CNTNAP5: variants seen among roughly 807,000 people sequenced by gnomAD.
CNTNAP5 encodes the protein contactin-associated protein-like 5.
A neutral mutation model predicts 150.2 loss-of-function variants in CNTNAP5; 72 were observed. The ratio of observed to expected loss-of-function variants is 0.48; its 90% CI spans 0.40 to 0.58. The LOEUF (loss-of-function observed/expected upper bound fraction) is 0.58. Among genes scored for constraint, CNTNAP5 ranks in the 20% least tolerant of loss-of-function variants. CNTNAP5 has a pLI of 0.00. For synonymous variants in CNTNAP5, 672 were observed against 619.8 expected (o/e 1.08, Z -1.25); for missense variants, 1,636 against 1,626.2 (o/e 1.01, Z -0.10).
At chr2:124,074,925 C>T (rs569484831) in intron 1 of CNTNAP5, among the ~76,000 whole-genome samples, 14 of 152,208 alleles carry the variant, frequency 9.2e-5, no homozygotes, top group South Asian at 6.2e-4. Context: ...TTCCATTTTA[C>T]GTAGTTTGAT....
chr2:124,662,661 T>G (rs183571630), intron 13 of CNTNAP5, among the ~76,000 whole-genome samples: 1 of 152,124 alleles, frequency 6.6e-6, no homozygotes, highest in East Asian at 1.9e-4. Context: ...CACAGACACA[T>G]GTCAAGAGAG....
At chr2:124,245,686 AATAT>A (rs1220477219) in intron 3 of CNTNAP5, among the ~76,000 whole-genome samples, 1 of 149,996 alleles carries the variant, frequency 6.7e-6, no homozygotes, top group African/African-American at 2.5e-5. Flanking sequence ...TATACACACA[AATAT>A]ATATATACAC....
intron 3 of CNTNAP5, among the ~76,000 whole-genome samples, chr2:124,307,798 T>A (rs1290730328): frequency 6.6e-6 from 1 of 152,158 alleles, no homozygotes; most frequent in Non-Finnish European, 1.5e-5. Context: ...ATTATGTAGT[T>A]GTTGATACTC....
intron 6 of CNTNAP5, among the ~76,000 whole-genome samples, chr2:124,458,659 A>G (rs866803660): frequency 1.3e-5 from 2 of 152,230 alleles, no homozygotes; most frequent in South Asian, 4.1e-4. Flanking sequence ...GTTCCCCAAT[A>G]ACCTATGGAA....
intron 3 of CNTNAP5, among the ~76,000 whole-genome samples, chr2:124,367,682 T>A (rs1175070354): frequency 3.9e-5 from 6 of 152,168 alleles, no homozygotes; most frequent in Admixed American, 3.3e-4. Flanking sequence ...CATAAATTAA[T>A]CTTTGAGGGC....
intron 10 of CNTNAP5, among the ~76,000 whole-genome samples, chr2:124,551,727 G>A (rs1385829940): frequency 6.6e-6 from 1 of 152,194 alleles, no homozygotes; most frequent in Non-Finnish European, 1.5e-5. Context: ...TTCATGTATA[G>A]AGAATCATTT....
intron 19 of CNTNAP5, among the ~76,000 whole-genome samples, chr2:124,858,290 G>T (rs1011212837): frequency 2.6e-5 from 4 of 152,154 alleles, no homozygotes; most frequent in African/African-American, 4.8e-5. Context: ...TGGCATGACT[G>T]TATATCTAAA....
intron 8 of CNTNAP5, among the ~76,000 whole-genome samples, chr2:124,514,781 G>A (rs1694668082): frequency 1.3e-5 from 2 of 152,166 alleles, no homozygotes; most frequent in Non-Finnish European, 1.5e-5. Flanking sequence ...GCTCTAATAA[G>A]AGAAGAGAAA....
chr2:124,337,954 G>C (rs1364595200), intron 3 of CNTNAP5, among the ~76,000 whole-genome samples: 1 of 152,146 alleles, frequency 6.6e-6, no homozygotes, highest in Non-Finnish European at 1.5e-5. Context: ...AATTACCTTG[G>C]GCAGTGTGGC....
intron 3 of CNTNAP5, among the ~76,000 whole-genome samples, chr2:124,366,498 G>T (rs550789040): frequency 9.2e-5 from 14 of 152,212 alleles, no homozygotes; most frequent in Admixed American, 9.2e-4. Context: ...AGAAAGAATG[G>T]CATTCCAAGT....
chr2:124,672,696 C>T (rs759084797), intron 13 of CNTNAP5, among the ~76,000 whole-genome samples: 20 of 152,180 alleles, frequency 1.3e-4, no homozygotes, highest in Non-Finnish European at 2.1e-4. Context: ...AGGGAACACA[C>T]GGAAAATTTC....
intron 3 of CNTNAP5, among the ~76,000 whole-genome samples, chr2:124,375,762 TTG>T (rs1002057931): frequency 5.3e-5 from 8 of 152,214 alleles, no homozygotes; most frequent in South Asian, 2.1e-4. Flanking sequence ...TGCAGTATTT[TTG>T]TGTGTCTAAA....
In CNTNAP5 at chr2:124,914,978, C is replaced by G. The variant is rs1573709965; in HGVS notation, c.*690C>G. The G allele has an allele frequency of 2.0e-5, 3 of 152,382 alleles. No homozygotes were observed. Among genetic ancestry groups the G allele is most frequent in the Admixed American group, 2.0e-4 (3 of 15,246 alleles). The allele number at this position is 152,382 out of a possible 1,614,324, so 9.4% of individuals were successfully genotyped here. On this transcript the variant is annotated 3_prime_UTR_variant, in exon 24 of 24. Transcript: ENST00000682447. ...GGGGCCGACACGTTGGGACAGCACA[C>G]CATAGCATAAAGCTAGGGGATGCAT...
Position 124,031,146 on chromosome 2 carries a change from C to T in CNTNAP5, c.82+5414C>T, listed in dbSNP as rs115318202. ...ACTCTCTCCCCGCTATACATACACACACACACACACACATGCCCAGAAATA... is the reference window on the plus strand; with the variant it reads ...ACTCTCTCCCCGCTATACATACACATACACACACACACATGCCCAGAAATA... On this transcript the variant is annotated intron_variant, in intron 1 of 23. Transcript: ENST00000682447. Among the ~76,000 whole-genome samples the T allele has an allele frequency of 2.9e-3, 443 of 152,126 alleles. 8 individuals are homozygous for T. Among genetic ancestry groups the T allele is most frequent in the African/African-American group, 0.01 (429 of 41,510 alleles).
chr2:124,209,063 C>A (rs1685937679), intron 1 of CNTNAP5, among the ~76,000 whole-genome samples: 1 of 152,144 alleles, frequency 6.6e-6, no homozygotes, highest in African/African-American at 2.4e-5. Flanking sequence ...GTCAGCAGAA[C>A]AACTGGATGC....
At position 124,527,220 on chromosome 2, in the gene CNTNAP5, T is replaced by C. The variant is rs1416508974; in HGVS notation, c.1478-65T>C. 14 of 1,435,820 alleles carry C rather than the reference T, an allele frequency of 9.8e-6. No homozygotes were observed. The African/African-American group carries it at 1.7e-4, about 17-fold the overall frequency. 88.9% of individuals were successfully genotyped at this position (1,435,820 alleles called of 1,614,324 possible). A position where few individuals can be genotyped will look rare whatever the true frequency, so the allele number is the denominator to read the frequency against. ...ATTAGACCTCAAGGTCTTCCATCAA[T>C]AGGTCGCCAAAGCAATGACGGATCA... On this transcript the variant is annotated intron_variant, in intron 9 of 23. Coordinates refer to ENST00000682447, the MANE Select transcript of CNTNAP5 (RefSeq NM_001367498.1).
intron 21 of CNTNAP5, among the ~76,000 whole-genome samples, chr2:124,880,217 A>C (rs1305370318): frequency 6.6e-6 from 1 of 152,114 alleles, no homozygotes; most frequent in African/African-American, 2.4e-5. Flanking sequence ...GAATGATTTG[A>C]CCTGAATCTG....
chr2:124,196,794 C>T (rs1426293660), intron 1 of CNTNAP5, among the ~76,000 whole-genome samples: 2 of 152,106 alleles, frequency 1.3e-5, no homozygotes, highest in African/African-American at 4.8e-5. Context: ...ACACAGGATC[C>T]CTGTCTCAAA....
At chr2:124,246,562 A>G (rs1687034349) in intron 3 of CNTNAP5, among the ~76,000 whole-genome samples, 1 of 152,168 alleles carries the variant, frequency 6.6e-6, no homozygotes, top group African/African-American at 2.4e-5. Flanking sequence ...AATGCTTGGT[A>G]AAGTGGGTAA....
Sources: gnomAD v4.1 joint callset for allele counts (sites outside exome capture counted in the v4.1 genomes callset) on GRCh38, gnomAD v4.1.1 for gene constraint, MANE v1.5 for transcripts, NCBI Gene and HGNC (gene_info 2026-07-23, HGNC 2026-07-21) for gene names.